The following HHAT variants were observed in gnomAD, a reference collection of about 807,000 sequenced individuals.
HHAT encodes hedgehog acyltransferase.
Under a neutral mutation model 70.8 loss-of-function variants are expected in HHAT, and 47 were observed. The ratio of observed to expected loss-of-function variants is 0.66; its 90% confidence interval spans 0.53 to 0.85. The LOEUF is 0.85. HHAT is among the 40% of genes least tolerant of loss of function. The pLI is 0.00. For synonymous variants in HHAT, 228 were observed against 247.6 expected (o/e 0.92, Z 0.74); for missense variants, 609 against 604.8 (o/e 1.01, Z -0.07).
chr1:210,540,444 T>TACAC (rs5780588), intron 9 of HHAT, among the ~76,000 whole-genome samples: 192 of 148,376 alleles, frequency 1.3e-3, no homozygotes, highest in African/African-American at 4.4e-3. Context: ...TTTTCCCTCT[T>TACAC]ACACACACAC....
In HHAT at chr1:210,332,039, G is replaced by A. The variant is rs529402101; in HGVS notation, c.-44+2935G>A. Among the ~76,000 whole-genome samples the A allele has an allele frequency of 4.6e-5, 7 of 152,298 alleles. 1 individual carries two copies. The South Asian group carries it at 1.5e-3, about 32-fold the overall frequency. ...AGCTGTGTGAACAGATGTGAGTTAA[G>A]GGCATGTACTTTAATGTGGTTGATA... On this transcript the variant is annotated intron_variant, in intron 1 of 11. Transcript: ENST00000261458.
intron 6 of HHAT, among the ~76,000 whole-genome samples, chr1:210,409,028 A>AT (rs902389049): frequency 3.9e-5 from 6 of 152,122 alleles, no homozygotes; most frequent in Non-Finnish European, 8.8e-5. Context: ...CACCTGGCTA[A>AT]TTTTTTAAAA....
Position 210,540,508 on chromosome 1 carries a change from CACACACAA to C in HHAT, c.1043+27327_1043+27334del, listed in dbSNP as rs1368198160. On this transcript the variant is annotated intron_variant, in intron 9 of 11. Coordinates refer to ENST00000261458, the MANE Select transcript of HHAT (RefSeq NM_018194.6). ...ACACACACGCACACACACATGCACA[CACACACAA>C]ACACACGCTCTCTCTCTCTCTCTAA... Among the ~76,000 whole-genome samples, 11 of 128,140 alleles carry C rather than the reference CACACACAA, an allele frequency of 8.6e-5. No individual in the cohort carries two copies. In the East Asian group the frequency reaches 1.2e-3, roughly 14 times the overall value. 84.1% of individuals were successfully genotyped at this position (128,140 alleles called of 152,430 possible). A position where few individuals can be genotyped will look rare whatever the true frequency, so the allele number is the denominator to read the frequency against.
intron 8 of HHAT, among the ~76,000 whole-genome samples, chr1:210,477,657 C>T (rs1159792929): frequency 6.6e-6 from 1 of 152,214 alleles, no homozygotes; most frequent in Non-Finnish European, 1.5e-5. Context: ...AACTTGCTAG[C>T]TGCAGGCTAC....
intron 5 of HHAT, among the ~76,000 whole-genome samples, chr1:210,403,948 T>A (rs1318855040): frequency 3.2e-4 from 41 of 127,054 alleles, no homozygotes; most frequent in East Asian, 1.8e-3. Flanking sequence ...TTTTTTTTTT[T>A]AAATATTTGT....
intron 10 of HHAT, among the ~76,000 whole-genome samples, chr1:210,602,071 A>T (rs1237038162): frequency 6.6e-6 from 1 of 151,936 alleles, no homozygotes; most frequent in Non-Finnish European, 1.5e-5. Flanking sequence ...GGAGCTGAGG[A>T]GGAGGAAAAT....
intron 1 of HHAT, among the ~76,000 whole-genome samples, chr1:210,348,404 A>C (rs2147968405): frequency 6.6e-6 from 1 of 152,312 alleles, no homozygotes; most frequent in East Asian, 1.9e-4. Flanking sequence ...CCTGGCCTAT[A>C]GTATGATACT....
At position 210,434,612 on chromosome 1, in the gene HHAT, A is replaced by AGC. The variant is rs1558509521; in HGVS notation, c.856+16288_856+16289insCG. Among the ~76,000 whole-genome samples, 6 of 151,920 alleles carry AGC rather than the reference A, an allele frequency of 3.9e-5. No homozygotes were observed. The South Asian group carries it at 1.2e-3, about 32-fold the overall frequency. On this transcript the variant is annotated intron_variant, in intron 7 of 11. Coordinates refer to ENST00000261458, the MANE Select transcript of HHAT (RefSeq NM_018194.6). ...TTTCCCCAAGTAACTATTCAAGTCCAGGCTCTCAGTGGGCTCAAGGGAGTG... is the reference window on the plus strand; with the variant it reads ...TTTCCCCAAGTAACTATTCAAGTCCAGCGGCTCTCAGTGGGCTCAAGGGAGTG...
At chr1:210,558,600 TC>T in intron 9 of HHAT, among the ~76,000 whole-genome samples, 1 of 152,344 alleles carries the variant, frequency 6.6e-6, no homozygotes, top group East Asian at 1.9e-4. Flanking sequence ...GTAACTTTTT[TC>T]TTGCTGCTTT....
chr1:210,654,139 GGGAATAGTGTGACAGT>G (rs1558363801), intron 11 of HHAT, among the ~76,000 whole-genome samples: 3 of 18,320 alleles, frequency 1.6e-4, no homozygotes, highest in East Asian at 4.3e-3. Flanking sequence ...ATAGTGTGAT[GGGAATAGTGTGACAGT>G]GGAATAGTGT....
intron 2 of HHAT, among the ~76,000 whole-genome samples, chr1:210,358,810 A>C (rs1558347423): frequency 6.6e-6 from 1 of 152,280 alleles, no homozygotes; most frequent in Middle Eastern, 3.4e-3. Context: ...CCCTCTTACT[A>C]CACACACCCC....
At chr1:210,527,987 T>A (rs1316269410) in intron 9 of HHAT, among the ~76,000 whole-genome samples, 1 of 152,224 alleles carries the variant, frequency 6.6e-6, no homozygotes, top group Non-Finnish European at 1.5e-5. Flanking sequence ...GTACATCAGA[T>A]GATTTTTAGC....
At chr1:210,636,429 T>G (rs888960674) in intron 11 of HHAT, among the ~76,000 whole-genome samples, 38 of 152,152 alleles carry the variant, frequency 2.5e-4, no homozygotes, top group African/African-American at 9.2e-4. Flanking sequence ...ACTTATTGCT[T>G]TTGTCAGGCT....
chr1:210,346,398 T>C (rs888465354), intron 1 of HHAT, among the ~76,000 whole-genome samples: 5 of 152,208 alleles, frequency 3.3e-5, no homozygotes, highest in Non-Finnish European at 7.3e-5. Flanking sequence ...AAGGGAAGAC[T>C]ACCAAATTCC....
intron 8 of HHAT, among the ~76,000 whole-genome samples, chr1:210,480,339 A>G (rs946951554): frequency 4.6e-5 from 7 of 152,198 alleles, no homozygotes; most frequent in Non-Finnish European, 1.0e-4. Flanking sequence ...CTGAGGTTGC[A>G]ATTTTTTGAA....
At chr1:210,660,694 A>G (rs1677497364) in intron 11 of HHAT, among the ~76,000 whole-genome samples, 1 of 152,246 alleles carries the variant, frequency 6.6e-6, no homozygotes, top group African/African-American at 2.4e-5. Flanking sequence ...CCAAAACAGC[A>G]TGGTACTGGT....
intron 11 of HHAT, among the ~76,000 whole-genome samples, chr1:210,652,488 G>A (rs562049815): frequency 2.6e-5 from 4 of 152,318 alleles, no homozygotes; most frequent in South Asian, 4.1e-4. Context: ...AGAGCCCAGC[G>A]TGTGAGCACC....
chr1:210,434,552 A>G (rs574607120), intron 7 of HHAT, among the ~76,000 whole-genome samples: 1 of 151,904 alleles, frequency 6.6e-6, no homozygotes, highest in African/African-American at 2.4e-5. Context: ...GAAGACACAC[A>G]CTATCTCTTA....
intron 10 of HHAT, among the ~76,000 whole-genome samples, chr1:210,620,848 C>T (rs1468073195): frequency 1.3e-5 from 2 of 150,758 alleles, no homozygotes; most frequent in African/African-American, 4.9e-5. Context: ...CCTCTCCTTC[C>T]TATCTCTGAG....
Sources: allele counts gnomAD v4.1 joint callset (sites outside exome capture counted in the v4.1 genomes callset), GRCh38; gene constraint gnomAD v4.1.1; transcripts MANE v1.5; gene names NCBI Gene and HGNC (gene_info 2026-07-23, HGNC 2026-07-21).